The following TASP1 variants were observed in gnomAD, a reference collection of about 807,000 sequenced individuals.
The protein encoded by TASP1 is taspase 1, also known as threonine aspartase 1.
Under a neutral mutation model 56.6 loss-of-function variants are expected in TASP1, and 16 were observed. The observed-to-expected ratio is 0.28, with a 90% confidence interval of 0.19 to 0.43. TASP1 has a LOEUF of 0.43. Among genes scored for constraint, TASP1 ranks in the 20% least tolerant of loss-of-function variants. The probability of loss-of-function intolerance (pLI) is 1.00; values close to 1 mark genes in which losing one functional copy is unlikely to be tolerated. For synonymous variants in TASP1, 179 were observed against 184.2 expected, an observed-to-expected ratio of 0.97 and a Z score of 0.23; for missense variants, 393 against 511.6, an observed-to-expected ratio of 0.77 and a Z score of 2.24.
At chr20:13,253,973 C>T in the TASP1 span, among the ~76,000 whole-genome samples, 2 of 150,950 alleles carry the variant, frequency 1.3e-5, no homozygotes, top group African/African-American at 4.9e-5. Context: ...ATCCCAGCAC[C>T]TTGGGAGGCC....
At chr20:13,632,087 G>A (rs549428011) in intron 1 of TASP1, among the ~76,000 whole-genome samples, 81 of 146,966 alleles carry the variant, frequency 5.5e-4, no homozygotes, top group Non-Finnish European at 9.6e-4. Context: ...TTTTTTGGCC[G>A]GGCACAGTGA....
At chr20:13,246,960 G>A in the TASP1 span, among the ~76,000 whole-genome samples, 1 of 152,068 alleles carries the variant, frequency 6.6e-6, no homozygotes, top group Non-Finnish European at 1.5e-5. Context: ...ATAGTGCCGG[G>A]CCCAGTGGCT....
At chr20:13,372,384 A>T in the TASP1 span, among the ~76,000 whole-genome samples, 4 of 152,282 alleles carry the variant, frequency 2.6e-5, no homozygotes, top group East Asian at 1.9e-4. Context: ...TCTTCAGACT[A>T]TAACCGTATC....
intron 11 of TASP1, 55 bp downstream of exon 11, chr20:13,483,172 T>C (rs749094347): frequency 4.4e-5 from 58 of 1,330,004 alleles, no homozygotes; most frequent in Non-Finnish European, 5.5e-5. Flanking sequence ...ATAGTGCTTA[T>C]AGAAGTGAAA....
At chr20:13,597,942 A>G (rs2047805027) in intron 4 of TASP1, among the ~76,000 whole-genome samples, 1 of 152,246 alleles carries the variant, frequency 6.6e-6, no homozygotes. Flanking sequence ...GTTGCTACAA[A>G]GAGAATAAAA....
intron 13 of TASP1, among the ~76,000 whole-genome samples, chr20:13,391,765 A>C (rs2123565904): frequency 6.6e-6 from 1 of 152,082 alleles, no homozygotes; most frequent in South Asian, 2.1e-4. Context: ...CAGGAGATAG[A>C]GACCATCCTG....
At chr20:13,220,088 G>A in the TASP1 span, among the ~76,000 whole-genome samples, 1 of 152,168 alleles carries the variant, frequency 6.6e-6, no homozygotes, top group Admixed American at 6.5e-5. Flanking sequence ...TGTGCGACGC[G>A]GCTGTGTGCG....
At chr20:13,123,955 C>A in the TASP1 span, among the ~76,000 whole-genome samples, 1 of 152,144 alleles carries the variant, frequency 6.6e-6, no homozygotes, top group African/African-American at 2.4e-5. Flanking sequence ...ACGGAACATG[C>A]CACTGTGAAG....
intron 11 of TASP1, among the ~76,000 whole-genome samples, chr20:13,479,296 A>T (rs1600936863): frequency 6.6e-6 from 1 of 152,170 alleles, no homozygotes; most frequent in Non-Finnish European, 1.5e-5. Flanking sequence ...CAAAGGAAGC[A>T]AAAAGGGAAG....
the TASP1 span, among the ~76,000 whole-genome samples, chr20:13,206,332 A>G: frequency 6.6e-6 from 1 of 152,200 alleles, no homozygotes; most frequent in Non-Finnish European, 1.5e-5. Context: ...TAAGTGTGGC[A>G]TATGGATCAC....
At chr20:13,162,685 C>A in the TASP1 span, among the ~76,000 whole-genome samples, 1 of 152,154 alleles carries the variant, frequency 6.6e-6, no homozygotes, top group African/African-American at 2.4e-5. Flanking sequence ...GCTCATTCAC[C>A]AATAACAACT....
intron 4 of TASP1, among the ~76,000 whole-genome samples, chr20:13,610,552 C>A (rs1292893968): frequency 6.6e-6 from 1 of 152,090 alleles, no homozygotes; most frequent in Non-Finnish European, 1.5e-5. Flanking sequence ...ACTATACACA[C>A]AAGAAAGCTT....
At chr20:13,531,492 T>C (rs968289984) in intron 9 of TASP1, among the ~76,000 whole-genome samples, 1 of 151,856 alleles carries the variant, frequency 6.6e-6, no homozygotes, top group African/African-American at 2.4e-5. Flanking sequence ...TATCCTTTTT[T>C]TTTTTTTTTC....
chr20:13,535,020 T>C (rs900190550), intron 8 of TASP1, among the ~76,000 whole-genome samples: 3 of 152,122 alleles, frequency 2.0e-5, no homozygotes, highest in Admixed American at 6.6e-5. Flanking sequence ...TGCTAGGGCA[T>C]TGGTTTTCAA....
chr20:13,271,892 C>T, the TASP1 span, among the ~76,000 whole-genome samples: 1 of 152,308 alleles, frequency 6.6e-6, no homozygotes, highest in East Asian at 1.9e-4. Context: ...GATCCTCCCA[C>T]CTCAGCCTCC....
the TASP1 span, among the ~76,000 whole-genome samples, chr20:13,312,931 C>A: frequency 6.6e-6 from 1 of 152,016 alleles, no homozygotes; most frequent in Non-Finnish European, 1.5e-5. Flanking sequence ...TTCTTTTGTT[C>A]CCTCTGCTTC....
the TASP1 span, among the ~76,000 whole-genome samples, chr20:13,359,965 C>A: frequency 6.6e-6 from 1 of 151,994 alleles, no homozygotes; most frequent in African/African-American, 2.4e-5. Flanking sequence ...CATCCTGCAG[C>A]ACACTTGCCT....
chr20:13,265,518 G>A, the TASP1 span, among the ~76,000 whole-genome samples: 1 of 152,138 alleles, frequency 6.6e-6, no homozygotes. Context: ...GTTCTTTCAA[G>A]AGTACCCTGT....
chr20:13,110,961 A>G, the TASP1 span, among the ~76,000 whole-genome samples: 2 of 152,130 alleles, frequency 1.3e-5, no homozygotes, highest in African/African-American at 4.8e-5. Context: ...GAGGATAGAC[A>G]TAGGATTTCT....
Sources: gnomAD v4.1 joint callset for allele counts (sites outside exome capture counted in the v4.1 genomes callset) on GRCh38, gnomAD v4.1.1 for gene constraint, MANE v1.5 for transcripts, NCBI Gene and HGNC (gene_info 2026-07-23, HGNC 2026-07-21) for gene names.